Variants in PCLAF observed in about 807,000 individuals in gnomAD.
The protein encoded by PCLAF is PCNA clamp associated factor, also known as PCNA-associated factor.
Under a neutral mutation model 15.1 loss-of-function variants are expected in PCLAF, and 12 were observed. That is an observed-to-expected ratio of 0.79 (90% confidence interval 0.51 to 1.29). The LOEUF is 1.29. Ranked by LOEUF, PCLAF falls within the 50% of genes most tolerant of loss-of-function variation. The probability of loss-of-function intolerance (pLI) is 0.00; values close to 1 mark genes in which losing one functional copy is unlikely to be tolerated. For synonymous variants in PCLAF, 33 were observed against 47.1 expected, an observed-to-expected ratio of 0.70 and a Z score of 1.22; for missense variants, 116 against 130.9, an observed-to-expected ratio of 0.89 and a Z score of 0.56.
intron 3 of PCLAF, among the ~76,000 whole-genome samples, chr15:64,372,275 A>G (rs1899352571): frequency 6.6e-6 from 1 of 152,110 alleles, no homozygotes; most frequent in Non-Finnish European, 1.5e-5. Flanking sequence ...TTTGGAGTAA[A>G]TTCCAGTCTA....
At chr15:64,386,907 A>G (rs868288847) in intron 1 of PCLAF, among the ~76,000 whole-genome samples, 1 of 152,164 alleles carries the variant, frequency 6.6e-6, no homozygotes, top group South Asian at 2.1e-4. Context: ...GGAAGACATT[A>G]TGATCTCCAG....
chr15:64,381,291 C>A (rs770605302), intron 1 of PCLAF, 35 bp downstream of exon 1: 29 of 1,609,766 alleles, frequency 1.8e-5, no homozygotes, highest in African/African-American at 6.7e-5. Context: ...CGGGAGGACC[C>A]CCCCGCCCTC....
chr15:64,374,408 G>A (rs536532280), intron 3 of PCLAF, among the ~76,000 whole-genome samples: 8 of 151,998 alleles, frequency 5.3e-5, no homozygotes, highest in Non-Finnish European at 7.4e-5. Flanking sequence ...GCGTGGTGGC[G>A]GGCGCCTGTA....
chr15:64,369,738 C>T (rs10400921), intron 3 of PCLAF, among the ~76,000 whole-genome samples: 10,373 of 151,996 alleles, frequency 0.068, 371 homozygotes, highest in South Asian at 0.087. Context: ...GAATAATTCT[C>T]AATATTTTAT....
intron 1 of PCLAF, among the ~76,000 whole-genome samples, chr15:64,386,766 AT>A (rs1899950018): frequency 6.6e-6 from 1 of 152,102 alleles, no homozygotes; most frequent in Admixed American, 6.6e-5. Flanking sequence ...TAATTATAAT[AT>A]TTATGCCAAT....
At chr15:64,369,558 T>C (rs1037598526) in intron 3 of PCLAF, among the ~76,000 whole-genome samples, 8 of 151,968 alleles carry the variant, frequency 5.3e-5, no homozygotes, top group African/African-American at 1.9e-4. Context: ...CAGCACTGAA[T>C]AATTTCTTTT....
chr15:64,374,440 G>A (rs1490423251), intron 3 of PCLAF, among the ~76,000 whole-genome samples: 1 of 152,072 alleles, frequency 6.6e-6, no homozygotes, highest in East Asian at 1.9e-4. Flanking sequence ...TTGGGAGGGT[G>A]AGGGAGGAGA....
In PCLAF at chr15:64,368,905, G is replaced by A. The variant is rs542596005; in HGVS notation, c.291-2830C>T. ...TTTTATTTCCTTGATGTAAGTCACAGGTAATTCAAGAAGTCTGAAATATAT... is the reference window on the plus strand; with the variant it reads ...TTTTATTTCCTTGATGTAAGTCACAAGTAATTCAAGAAGTCTGAAATATAT... On this transcript the variant is annotated intron_variant, in intron 3 of 3. Transcript: ENST00000300035. Among the ~76,000 whole-genome samples, 121 of 152,188 alleles carry A rather than the reference G, an allele frequency of 8.0e-4. 1 individual carries two copies. Among genetic ancestry groups the A allele is most frequent in the African/African-American group, 2.7e-3 (114 of 41,508 alleles).
At chr15:64,372,354 CCTGTAAT>C in intron 3 of PCLAF, among the ~76,000 whole-genome samples, 1 of 152,310 alleles carries the variant, frequency 6.6e-6, no homozygotes, top group East Asian at 1.9e-4. Flanking sequence ...ATGGCTCACA[CCTGTAAT>C]CCCAGCACTT....
At chr15:64,374,573 G>C (rs1899518451) in intron 3 of PCLAF, among the ~76,000 whole-genome samples, 1 of 151,874 alleles carries the variant, frequency 6.6e-6, no homozygotes, top group South Asian at 2.1e-4. Flanking sequence ...GGCCAGGTGT[G>C]GCAGCTTATG....
chr15:64,385,974 C>G (rs1009142947), upstream of PCLAF, among the ~76,000 whole-genome samples: 2 of 152,106 alleles, frequency 1.3e-5, no homozygotes, highest in Non-Finnish European at 2.9e-5. Flanking sequence ...TTGCAGATGG[C>G]CTGTCATGGG....
chr15:64,381,585 T>C, upstream of PCLAF: 1 of 1,380,956 alleles, frequency 7.2e-7, no homozygotes, highest in Non-Finnish European at 9.6e-7. Flanking sequence ...GCGAGGCTTC[T>C]TGCAGCGCGA....
chr15:64,374,559 C>T, intron 3 of PCLAF, among the ~76,000 whole-genome samples: 1 of 149,860 alleles, frequency 6.7e-6, no homozygotes, highest in South Asian at 2.1e-4. Flanking sequence ...AAAGTTTGCA[C>T]ACTGGCCAGG....
chr15:64,379,493 GAAAA>G (rs1899743674), intron 2 of PCLAF, among the ~76,000 whole-genome samples: 1 of 149,844 alleles, frequency 6.7e-6, no homozygotes, highest in South Asian at 2.1e-4. Context: ...AAAAAAAAAA[GAAAA>G]AAGAAAAGAA....
rs772209262 is a variant in PCLAF at position 64,377,287 on chromosome 15, G to A, written c.128-382C>T. Among the ~76,000 whole-genome samples the A allele has an allele frequency of 1.7e-4, 25 of 150,406 alleles. No individual in the cohort carries two copies. The East Asian group carries it at 3.2e-3, about 19-fold the overall frequency. On this transcript the variant is annotated intron_variant, in intron 2 of 3. Transcript: ENST00000300035. ...TCGAGACCAACCTGGACAACATGGTGAAACCCCCGTCTCTACTAAAAATAC... is the reference window on the plus strand; with the variant it reads ...TCGAGACCAACCTGGACAACATGGTAAAACCCCCGTCTCTACTAAAAATAC...
At chr15:64,380,780 C>T (rs1240051342) in intron 2 of PCLAF, among the ~76,000 whole-genome samples, 178 bp downstream of exon 2, 3 of 152,100 alleles carry the variant, frequency 2.0e-5, no homozygotes, top group African/African-American at 7.2e-5. Flanking sequence ...AAATTCCCTT[C>T]CATGAGACCT....
chr15:64,366,830 G>A (rs1899053153), intron 3 of PCLAF, among the ~76,000 whole-genome samples: 1 of 152,062 alleles, frequency 6.6e-6, no homozygotes, highest in Admixed American at 6.6e-5. Context: ...AAAATAGCCG[G>A]GCAGTGGGGG....
exon 1 of PCLAF, chr15:64,387,456 A>T: frequency 1.6e-6 from 2 of 1,262,476 alleles, no homozygotes; most frequent in Non-Finnish European, 2.0e-6. Context: ...CAGCGCTTAC[A>T]ATACCTTCCA....
At chr15:64,369,511 A>G (rs1253742701) in intron 3 of PCLAF, among the ~76,000 whole-genome samples, 1 of 152,148 alleles carries the variant, frequency 6.6e-6, no homozygotes, top group Non-Finnish European at 1.5e-5. Flanking sequence ...CATGGATCAT[A>G]GACACTCAAT....
Sources: allele counts gnomAD v4.1 joint callset (sites outside exome capture counted in the v4.1 genomes callset), GRCh38; gene constraint gnomAD v4.1.1; transcripts MANE v1.5; gene names NCBI Gene and HGNC (gene_info 2026-07-23, HGNC 2026-07-21).